Variants in GABRB3 observed in about 807,000 individuals in gnomAD.
GABRB3 encodes gamma-aminobutyric acid receptor subunit beta-3.
Under a neutral mutation model 52.1 loss-of-function variants are expected in GABRB3, and 14 were observed. The observed-to-expected ratio is 0.27, with a 90% CI of 0.18 to 0.42. The LOEUF (loss-of-function observed/expected upper bound fraction) is 0.42, where lower values mean the gene tolerates loss of function less well. Among genes scored for constraint, GABRB3 ranks in the 10% least tolerant of loss-of-function variants. The pLI is 1.00. For missense variants in GABRB3, 307 were observed against 609.1 expected (o/e 0.50, Z 5.22); for synonymous variants, 260 against 232.3 (o/e 1.12, Z -1.08).
intron 6 of GABRB3, among the ~76,000 whole-genome samples, chr15:26,570,656 T>C (rs774800079): frequency 6.6e-6 from 1 of 152,200 alleles, no homozygotes; most frequent in African/African-American, 2.4e-5. Flanking sequence ...CCTCAAAATA[T>C]TCATCTCTAT....
intron 4 of GABRB3, among the ~76,000 whole-genome samples, chr15:26,587,962 GCT>G (rs1343169281): frequency 6.6e-6 from 1 of 152,086 alleles, no homozygotes; most frequent in East Asian, 1.9e-4. Context: ...ACTGGGTGAG[GCT>G]CTCTCAGTAT....
At chr15:26,629,127 G>T (rs900595563) in intron 3 of GABRB3, 2 of 1,524,432 alleles carry the variant, frequency 1.3e-6, no homozygotes, top group Admixed American at 2.0e-5. Flanking sequence ...TACAGGAGAG[G>T]CTGAAGCTCG....
chr15:26,746,019 T>TTATTAAATTTTAAATTTAATTTTATAA (rs1180096749), intron 3 of GABRB3, among the ~76,000 whole-genome samples: 2 of 152,218 alleles, frequency 1.3e-5, no homozygotes, highest in African/African-American at 4.8e-5. Context: ...TATAAGAAAC[T>TTATTAAATTTTAAATTTAATTTTATAA]GCCAACTTAT....
intron 4 of GABRB3, among the ~76,000 whole-genome samples, chr15:26,585,774 C>A (rs1394210961): frequency 2.0e-5 from 3 of 152,158 alleles, no homozygotes; most frequent in South Asian, 4.1e-4. Flanking sequence ...CAACACATAG[C>A]TCTTTGGCAT....
intron 3 of GABRB3, among the ~76,000 whole-genome samples, chr15:26,650,770 T>C (rs1408583560): frequency 6.6e-6 from 1 of 151,970 alleles, no homozygotes; most frequent in East Asian, 1.9e-4. Context: ...CACAAACCAA[T>C]CAGCATGCAC....
chr15:26,773,693 G>C (rs866839835), upstream of GABRB3: 2 of 1,575,258 alleles, frequency 1.3e-6, no homozygotes, highest in Non-Finnish European at 1.7e-6. Flanking sequence ...GAGCCAGATG[G>C]GCAGCAGGAG....
In GABRB3 at chr15:26,765,998, A is replaced by C. The variant is rs543138746; in HGVS notation, c.240+6404T>G. On this transcript the variant is annotated intron_variant, in intron 3 of 8. Transcript: ENST00000311550. Reference sequence around the variant, plus strand: ...TTCTGAGCCTATTTCCTCATCTAAAAAAATGGAGATGAGGTTAACACCTCT... The same window carrying C: ...TTCTGAGCCTATTTCCTCATCTAAACAAATGGAGATGAGGTTAACACCTCT... 2.0e-5 allele frequency among the ~76,000 whole-genome samples: 3 copies of C among 152,310 alleles called. No individual in the cohort carries two copies. In the East Asian group the frequency reaches 5.8e-4, roughly 29 times the overall value.
At chr15:26,583,591 A>G (rs1890866419) in intron 4 of GABRB3, among the ~76,000 whole-genome samples, 177 bp from the exon 5 acceptor site, 1 of 151,988 alleles carries the variant, frequency 6.6e-6, no homozygotes, top group African/African-American at 2.4e-5. Flanking sequence ...TTTTCAGCAT[A>G]ATATAGACCA....
At chr15:26,665,275 T>C (rs1270141291) in intron 3 of GABRB3, among the ~76,000 whole-genome samples, 1 of 152,148 alleles carries the variant, frequency 6.6e-6, no homozygotes, top group Non-Finnish European at 1.5e-5. Flanking sequence ...GCCTCACCAC[T>C]CTACTCTCTC....
At chr15:26,627,807 A>C (rs1253259008) in intron 3 of GABRB3, among the ~76,000 whole-genome samples, 1 of 152,238 alleles carries the variant, frequency 6.6e-6, no homozygotes, top group East Asian at 1.9e-4. Flanking sequence ...AAGATTACAT[A>C]AACTTAGTTG....
At chr15:26,744,895 C>T (rs748181460) in intron 3 of GABRB3, among the ~76,000 whole-genome samples, 2 of 152,066 alleles carry the variant, frequency 1.3e-5, no homozygotes, top group Non-Finnish European at 2.9e-5. Flanking sequence ...TTTTGCATTG[C>T]TATAAAGAAA....
At chr15:26,647,188 C>T (rs1887040615) in intron 3 of GABRB3, among the ~76,000 whole-genome samples, 1 of 152,112 alleles carries the variant, frequency 6.6e-6, no homozygotes, top group African/African-American at 2.4e-5. Context: ...TCTTTGCCCA[C>T]GTATGTTAAA....
intron 4 of GABRB3, chr15:26,615,806 G>A (rs757312207): frequency 2.5e-6 from 3 of 1,191,082 alleles, no homozygotes; most frequent in Non-Finnish European, 3.2e-6. Context: ...GATAGACAAG[G>A]TGAGAGCCAA....
intron 6 of GABRB3, among the ~76,000 whole-genome samples, chr15:26,568,500 C>CTT (rs11419760): frequency 0.025 from 3,405 of 137,644 alleles, 78 homozygotes; most frequent in Non-Finnish European, 0.037. Context: ...GTTTTCCTTT[C>CTT]TTTTTTTTTT....
chr15:26,754,175 C>T (rs1336208461), intron 3 of GABRB3, among the ~76,000 whole-genome samples: 4 of 152,010 alleles, frequency 2.6e-5, no homozygotes, highest in Non-Finnish European at 5.9e-5. Context: ...CAGAATCAGG[C>T]AATTAAGCAC....
At chr15:26,736,268 T>A (rs183249016) in intron 3 of GABRB3, among the ~76,000 whole-genome samples, 1 of 152,344 alleles carries the variant, frequency 6.6e-6, no homozygotes, top group African/African-American at 2.4e-5. Context: ...AATAAATAAT[T>A]TTTTAAATAA....
chr15:26,655,999 G>A (rs978353519), intron 3 of GABRB3, among the ~76,000 whole-genome samples: 3 of 152,050 alleles, frequency 2.0e-5, no homozygotes, highest in Non-Finnish European at 2.9e-5. Context: ...TCTGACTAAC[G>A]TATTTTGGCA....
intron 3 of GABRB3, among the ~76,000 whole-genome samples, chr15:26,713,391 C>T (rs976263865): frequency 4.6e-5 from 7 of 151,880 alleles, no homozygotes; most frequent in African/African-American, 7.3e-5. Flanking sequence ...AGAGAGTGGA[C>T]GCACAGGAGA....
chr15:26,565,217 C>T (rs149194534), intron 7 of GABRB3, among the ~76,000 whole-genome samples: 5 of 152,246 alleles, frequency 3.3e-5, no homozygotes, highest in African/African-American at 7.2e-5. Flanking sequence ...CCTGACACTG[C>T]GTCATACTTT....
Sources: gnomAD v4.1 joint callset for allele counts (sites outside exome capture counted in the v4.1 genomes callset) on GRCh38, gnomAD v4.1.1 for gene constraint, MANE v1.5 for transcripts, NCBI Gene and HGNC (gene_info 2026-07-23, HGNC 2026-07-21) for gene names.